DYNC2H1: variants seen among roughly 807,000 people sequenced by gnomAD.
DYNC2H1 encodes the protein dynein cytoplasmic 2 heavy chain 1.
Under a neutral mutation model 570.0 loss-of-function variants are expected in DYNC2H1, and 410 were observed. That is an observed-to-expected ratio of 0.72 (90% confidence interval 0.66 to 0.78). The LOEUF (loss-of-function observed/expected upper bound fraction) is 0.78. Ranked by LOEUF, DYNC2H1 falls within the 30% of genes least tolerant of loss-of-function variation. The pLI, the probability that DYNC2H1 is intolerant of heterozygous loss-of-function variation, is 0.00. For synonymous variants in DYNC2H1, 1,688 were observed against 1,677.6 expected (o/e 1.01, Z -0.15); for missense variants, 4,865 against 5,046.4 (o/e 0.96, Z 1.09).
Position 103,129,179 on chromosome 11 carries a change from G to A in DYNC2H1, c.1953+174G>A, listed in dbSNP as rs1859142476. On this transcript the variant is annotated intron_variant, in intron 13 of 88. Transcript: ENST00000375735. This position sits in a 1 kb window ranked among gnomAD's most constrained non-coding sequence, Gnocchi z 4.1. ...TTATTTTTTCTAACTGTAGGTTTAA[G>A]TGGTTAGAATATTTCATATATTTTG... 6.6e-6 allele frequency among the ~76,000 whole-genome samples: 1 copy of A among 152,094 alleles called. No individual in the cohort carries two copies. Among genetic ancestry groups the A allele is most frequent in the Admixed American group, 6.6e-5 (1 of 15,260 alleles).
chr11:103,135,760 C>A lies in DYNC2H1; in HGVS notation c.2386C>A (p.Arg796=). 1.9e-6 allele frequency: 3 copies of A among 1,610,878 alleles called. No homozygotes were observed. The highest frequency in any genetic ancestry group is 1.7e-6 in the Non-Finnish European group (2 of 1,178,352). Residue 796 remains arginine, a synonymous_variant, in exon 17 of 89, where the codon CGG becomes AGG. Transcript: ENST00000375735. ...ATTCAGGCCCCCTTTTGAAGAAATC[C>A]GGGCTAAATATTATAGAGAAATGAA... The part of the protein sequence containing the change: ...LQFRPPFEEI[R]AKYYREMKRF...
rs1280875000 is a variant in DYNC2H1, at chr11:103,215,736, C to T, written c.8710C>T (p.Leu2904=). 1.2e-6 allele frequency: 2 copies of T among 1,608,258 alleles called. No individual in the cohort carries two copies. Among genetic ancestry groups the T allele is most frequent in the Non-Finnish European group, 1.7e-6 (2 of 1,177,136 alleles). The part of the protein sequence containing the change: ...QSHLQAGVSK[L]NEAKALVDEL... ...ATTGATGTAGGCTGGTGTATCTAAA[C>T]TAAATGAAGCTAAAGCTCTTGTGGA... The change falls in exon 55 of 89, where the codon CTA becomes TTA. Residue 2904 remains leucine (L), a synonymous_variant. Coordinates refer to ENST00000375735, the MANE Select transcript of DYNC2H1 (RefSeq NM_001377.3).
intron 63 of DYNC2H1, among the ~76,000 whole-genome samples, chr11:103,242,901 G>A (rs606258): frequency 0.4 from 60,855 of 151,642 alleles, 12,485 homozygotes; most frequent in African/African-American, 0.47. Flanking sequence ...TTGTATTTTT[G>A]GTAGAGACGG....
intron 84 of DYNC2H1, among the ~76,000 whole-genome samples, chr11:103,401,746 G>A (rs1482340106): frequency 6.6e-6 from 1 of 152,040 alleles, no homozygotes; most frequent in African/African-American, 2.4e-5. Flanking sequence ...TTGGCACATA[G>A]CAAGCACCCT....
intron 13 of DYNC2H1, among the ~76,000 whole-genome samples, chr11:103,131,296 A>T (rs953019228): frequency 1.3e-5 from 2 of 152,114 alleles, no homozygotes; most frequent in South Asian, 4.1e-4. Flanking sequence ...ACTTATCCCA[A>T]TATTCTTTTT....
chr11:103,156,424 A>G lies in DYNC2H1; in HGVS notation c.3781A>G (p.Arg1261Gly). 1 of 1,613,684 alleles carries G rather than the reference A, an allele frequency of 6.2e-7. No individual in the cohort carries two copies. ...TCGGGCACAAGGTGAAGTTACAATC[A>G]GAGAAGCTTTACGTGAACTTGATCT... ...NSRAQGEVTI[R>G]EALRELDLWG... The change falls in exon 26 of 89, where the codon AGA becomes GGA. Residue 1261 changes from arginine (R) to glycine (G), a missense_variant. Physicochemically the swap from Arg to Gly is moderately radical, Grantham distance 125. Coordinates refer to ENST00000375735, the MANE Select transcript of DYNC2H1 (RefSeq NM_001377.3).
intron 63 of DYNC2H1, among the ~76,000 whole-genome samples, chr11:103,236,824 T>C (rs1864242512): frequency 6.6e-6 from 1 of 151,946 alleles, no homozygotes; most frequent in South Asian, 2.1e-4. Flanking sequence ...GGATACCCAA[T>C]TCATTGGTTA....
In DYNC2H1 at chr11:103,185,099, T is replaced by C. The variant is rs1243037749; in HGVS notation, c.6633+48T>C. 6.5e-7 allele frequency: 1 copy of C among 1,531,252 alleles called. No homozygotes were observed. The highest frequency in any genetic ancestry group is 8.9e-7 in the Non-Finnish European group (1 of 1,125,302). The allele number at this position is 1,531,252 out of a possible 1,614,324, so 94.9% of individuals were successfully genotyped here. ...ATTTAGTCAAAACTTTAACTTTTCA[T>C]TAACTCTTAACTGCCAAAACACAAT... On this transcript the variant is annotated intron_variant, in intron 41 of 88. Transcript: ENST00000375735. The surrounding 1 kb of genome is among the most constrained non-coding windows in gnomAD (Gnocchi z 4.5).
At chr11:103,338,622 T>C (rs568871016) in intron 82 of DYNC2H1, among the ~76,000 whole-genome samples, 8 of 152,358 alleles carry the variant, frequency 5.3e-5, no homozygotes, top group African/African-American at 1.9e-4. Flanking sequence ...TGATGTATTT[T>C]TCAGTTTGTC....
intron 87 of DYNC2H1, chr11:103,468,372 A>C: frequency 2.7e-6 from 1 of 375,864 alleles, no homozygotes; most frequent in Non-Finnish European, 4.8e-6. Context: ...TTTCAAAAAT[A>C]TATTTGCTAA....
rs137853031 is a variant in DYNC2H1, at chr11:103,185,032, G to A, written c.6614G>A (p.Arg2205His). Residue 2205 changes from arginine (R) to histidine (H), a missense_variant, in exon 41 of 89, where the codon CGT (arginine) becomes CAT (histidine). Physicochemically the swap from Arg to His is conservative, Grantham distance 29. Around this residue, in one of 5 missense-constraint regions of DYNC2H1, gnomAD observed 231 missense variants for 310.3 expected, o/e 0.74. Coordinates refer to ENST00000375735, the MANE Select transcript of DYNC2H1 (RefSeq NM_001377.3). The surrounding 1 kb of genome is among the most constrained non-coding windows in gnomAD (Gnocchi z 4.5). ...GLGGNLNMKS[R>H]LEFTKEVFHW... is the part of the protein sequence containing the mutation. ...GGTGGAAATCTGAATATGAAGTCAC[G>A]TTTGGAATTTACCAAAGAGGTAATG... 13 of 1,609,084 alleles carry A rather than the reference G, an allele frequency of 8.1e-6. No homozygotes were observed. The highest frequency in any genetic ancestry group is 2.2e-5 in the East Asian group (1 of 44,662).
At chr11:103,312,560 AAAAAAACC>A (rs1176053253) in intron 79 of DYNC2H1, among the ~76,000 whole-genome samples, 4,533 of 110,998 alleles carry the variant, frequency 0.041, 257 homozygotes, top group African/African-American at 0.12. Flanking sequence ...AAAAAAAAAA[AAAAAAACC>A]AATTGTAATG....
In DYNC2H1 at chr11:103,305,778, G is replaced by A. The variant is rs3847576; in HGVS notation, c.11382+1058G>A. ...ATGAGTTGATGGACCATGGTGATTC[G>A]TGATTCATTACTTGTAATCAAGAGA... On this transcript the variant is annotated intron_variant, in intron 77 of 88. Transcript: ENST00000375735. The surrounding 1 kb of genome is among the most constrained non-coding windows in gnomAD (Gnocchi z 4.3). Among the ~76,000 whole-genome samples the A allele has an allele frequency of 0.17, 26,292 of 151,944 alleles. 2,471 individuals are homozygous for A. Among genetic ancestry groups the A allele is most frequent in the Admixed American group, 0.26 (3,967 of 15,254 alleles).
chr11:103,358,473 G>A, intron 83 of DYNC2H1, 114 bp downstream of exon 83: 1 of 667,920 alleles, frequency 1.5e-6, no homozygotes. Context: ...GTTCCTAACT[G>A]TGAAGTCATG....
chr11:103,141,692 C>T (rs567441470), intron 17 of DYNC2H1, among the ~76,000 whole-genome samples: 30 of 152,314 alleles, frequency 2.0e-4, no homozygotes, highest in South Asian at 4.1e-4. Flanking sequence ...GCAGTCTGCC[C>T]GTTCTCAGAT....
At chr11:103,342,197 G>A (rs144395608) in intron 82 of DYNC2H1, among the ~76,000 whole-genome samples, 1,982 of 144,232 alleles carry the variant, frequency 0.014, 46 homozygotes, top group African/African-American at 0.047. Context: ...TCAGTGCTGT[G>A]TAAAAAGGGT....
At chr11:103,119,651 T>G (rs1858598289) in intron 6 of DYNC2H1, among the ~76,000 whole-genome samples, 1 of 152,204 alleles carries the variant, frequency 6.6e-6, no homozygotes, top group Non-Finnish European at 1.5e-5. Flanking sequence ...ACTTCAGTAT[T>G]TCTTTGATAG....
intron 83 of DYNC2H1, among the ~76,000 whole-genome samples, chr11:103,359,542 G>T (rs1467827958): frequency 1.3e-5 from 2 of 151,974 alleles, no homozygotes; most frequent in Non-Finnish European, 2.9e-5. Context: ...ATTATGTAAA[G>T]AAGACTATAC....
intron 70 of DYNC2H1, among the ~76,000 whole-genome samples, chr11:103,278,935 A>G (rs1284334640): frequency 4.6e-5 from 7 of 152,180 alleles, no homozygotes; most frequent in Non-Finnish European, 7.4e-5. Context: ...CCACCTGCCT[A>G]TTGTAGGCAA....
Sources: gnomAD v4.1 joint callset for allele counts (sites outside exome capture counted in the v4.1 genomes callset) on GRCh38, gnomAD v4.1.1 for gene constraint, gnomAD v4.1.1 regional missense constraint, Gnocchi (gnomAD v3.1) non-coding constraint, MANE v1.5 for transcripts, NCBI Gene and HGNC (gene_info 2026-07-23, HGNC 2026-07-21) for gene names.